The following CSMD3 variants were observed in gnomAD, a reference collection of about 807,000 sequenced individuals.
CSMD3 encodes CUB and Sushi multiple domains 3, also known as CUB and sushi domain-containing protein 3.
A neutral mutation model predicts 435.2 loss-of-function variants in CSMD3; 177 were observed. The ratio of observed to expected loss-of-function variants is 0.41; its 90% CI spans 0.36 to 0.46. The LOEUF (loss-of-function observed/expected upper bound fraction) is 0.46. CSMD3 is among the 20% of genes least tolerant of loss of function. The pLI, the probability that CSMD3 is intolerant of heterozygous loss-of-function variation, is 0.34. For synonymous variants in CSMD3, 1,656 were observed against 1,520.5 expected, an observed-to-expected ratio of 1.09 and a Z score of -2.07; for missense variants, 4,265 against 4,504.6, an observed-to-expected ratio of 0.95 and a Z score of 1.52.
intron 1 of CSMD3, among the ~76,000 whole-genome samples, chr8:113,433,550 C>A (rs1301763592): frequency 6.6e-6 from 1 of 152,196 alleles, no homozygotes; most frequent in Non-Finnish European, 1.5e-5. Flanking sequence ...TCTCAGAGCA[C>A]GCAGAAACGT....
At chr8:112,782,069 G>A (rs527863151) in intron 13 of CSMD3, among the ~76,000 whole-genome samples, 2 of 152,120 alleles carry the variant, frequency 1.3e-5, no homozygotes, top group East Asian at 3.9e-4. Context: ...GACCATTCAG[G>A]AAAACATCAT....
intron 38 of CSMD3, among the ~76,000 whole-genome samples, chr8:112,377,312 A>C (rs940626483): frequency 6.6e-6 from 1 of 152,118 alleles, no homozygotes; most frequent in Non-Finnish European, 1.5e-5. Flanking sequence ...AGGAAACATA[A>C]AATCTACATG....
intron 32 of CSMD3, among the ~76,000 whole-genome samples, chr8:112,436,328 T>A (rs1399963679): frequency 1.3e-5 from 2 of 151,978 alleles, no homozygotes; most frequent in Non-Finnish European, 2.9e-5. Flanking sequence ...TTATTCTGAT[T>A]AAAAATAATC....
chr8:113,416,354 C>T (rs1199601252), intron 1 of CSMD3, among the ~76,000 whole-genome samples: 2 of 151,996 alleles, frequency 1.3e-5, no homozygotes, highest in Non-Finnish European at 2.9e-5. Flanking sequence ...ATCTTGCTTG[C>T]CAATAACATT....
rs184401428 is a variant in CSMD3, at chr8:112,949,162, T to C, written c.1421-1285A>G. On this transcript the variant is annotated intron_variant, in intron 8 of 70. Transcript: ENST00000297405. The stretch of plus-strand genomic sequence containing the variant: ...GCTGAATATAGTAATTTAATTCAAA[T>C]TGATTCATCAGATAAGAAGATAGCT... 4.6e-5 allele frequency among the ~76,000 whole-genome samples: 7 copies of C among 152,164 alleles called. No homozygotes were observed. The East Asian group carries it at 1.2e-3, about 25-fold the overall frequency.
intron 2 of CSMD3, chr8:113,309,618 A>C (rs1457560242): frequency 6.6e-6 from 1 of 152,218 alleles, no homozygotes; most frequent in Admixed American, 6.5e-5. Flanking sequence ...AACTCAGGAA[A>C]GTGAAGTTTA....
chr8:113,054,499 T>C (rs967466935), intron 5 of CSMD3, among the ~76,000 whole-genome samples: 7 of 152,168 alleles, frequency 4.6e-5, no homozygotes, highest in African/African-American at 1.7e-4. Context: ...TGTATCTTTA[T>C]TATTTTCTTT....
intron 5 of CSMD3, among the ~76,000 whole-genome samples, chr8:113,075,377 A>AAAT (rs981693493): frequency 1.3e-5 from 2 of 151,838 alleles, no homozygotes; most frequent in African/African-American, 4.8e-5. Context: ...AATCTTAGTC[A>AAAT]AATTCTCTCC....
chr8:112,681,386 A>G (rs1271424219), intron 16 of CSMD3, among the ~76,000 whole-genome samples: 2 of 151,954 alleles, frequency 1.3e-5, no homozygotes, highest in African/African-American at 4.8e-5. Context: ...GATATGTATT[A>G]TTAGATACTA....
rs542702063 is a variant in CSMD3, at chr8:113,228,981, G to A, written c.514+49611C>T. Among the ~76,000 whole-genome samples the A allele has an allele frequency of 6.6e-5, 10 of 151,652 alleles. No homozygotes were observed. In the South Asian group the frequency reaches 8.3e-4, roughly 13 times the overall value. On this transcript the variant is annotated intron_variant, in intron 3 of 70. Transcript: ENST00000297405. Reference sequence around the variant, plus strand: ...AATATCTAAGTACATAATTCACCACGTTCAAGTTCTTAATCATACCTATTC... The same window carrying A: ...AATATCTAAGTACATAATTCACCACATTCAAGTTCTTAATCATACCTATTC...
intron 4 of CSMD3, among the ~76,000 whole-genome samples, chr8:113,126,565 CATT>C (rs2091137005): frequency 1.3e-5 from 2 of 151,638 alleles, no homozygotes; most frequent in African/African-American, 4.8e-5. Context: ...ATTTTGATGA[CATT>C]AATAAATGCA....
chr8:112,984,653 T>G (rs191194976), intron 6 of CSMD3, among the ~76,000 whole-genome samples: 4 of 152,140 alleles, frequency 2.6e-5, no homozygotes, highest in Admixed American at 2.6e-4. Context: ...CCATCAAATT[T>G]AGAACAGAAT....
chr8:112,339,169 G>A (rs1381246172), intron 42 of CSMD3, among the ~76,000 whole-genome samples: 1 of 152,032 alleles, frequency 6.6e-6, no homozygotes, highest in Non-Finnish European at 1.5e-5. Context: ...CAACCAATCA[G>A]ACTGATTGCA....
intron 6 of CSMD3, among the ~76,000 whole-genome samples, chr8:113,006,056 C>A (rs1033286157): frequency 6.6e-6 from 1 of 152,022 alleles, no homozygotes; most frequent in Non-Finnish European, 1.5e-5. Flanking sequence ...AACTTCAAGA[C>A]TACAAGTTTT....
chr8:112,866,571 G>A (rs916795672), intron 10 of CSMD3, among the ~76,000 whole-genome samples: 4 of 152,090 alleles, frequency 2.6e-5, no homozygotes, highest in Non-Finnish European at 5.9e-5. Flanking sequence ...TGTATTTGCG[G>A]CATTTCCCTT....
chr8:112,397,480 T>G (rs1488910225), intron 35 of CSMD3, among the ~76,000 whole-genome samples: 1 of 152,212 alleles, frequency 6.6e-6, no homozygotes, highest in Non-Finnish European at 1.5e-5. Flanking sequence ...CTCATTCTAT[T>G]CAGGCCATAG....
intron 3 of CSMD3, among the ~76,000 whole-genome samples, chr8:113,223,439 A>C (rs1238218031): frequency 1.3e-5 from 2 of 150,602 alleles, no homozygotes; most frequent in Non-Finnish European, 3.0e-5. Flanking sequence ...GTATGGCATT[A>C]GTACCTGCTC....
intron 17 of CSMD3, among the ~76,000 whole-genome samples, chr8:112,657,426 C>T (rs2075283331): frequency 6.6e-6 from 1 of 152,182 alleles, no homozygotes; most frequent in Non-Finnish European, 1.5e-5. Context: ...AAAACCAAGT[C>T]TCCCTGACTC....
At chr8:113,302,292 A>G (rs2093777450) in intron 2 of CSMD3, among the ~76,000 whole-genome samples, 2 of 7,888 alleles carry the variant, frequency 2.5e-4, no homozygotes, top group African/African-American at 3.2e-3. Context: ...AATATATAAT[A>G]TAATATAATA....
Sources: gnomAD v4.1 joint callset for allele counts (sites outside exome capture counted in the v4.1 genomes callset) on GRCh38, gnomAD v4.1.1 for gene constraint, MANE v1.5 for transcripts, NCBI Gene and HGNC (gene_info 2026-07-23, HGNC 2026-07-21) for gene names.